Variants in BTRC observed in about 807,000 individuals in gnomAD.
The protein encoded by BTRC is beta-transducin repeat containing E3 ubiquitin protein ligase, also known as F-box/WD repeat-containing protein 1A.
BTRC carries 42 observed loss-of-function variants against 85.5 expected under a neutral mutation model. That is an observed-to-expected ratio of 0.49 (90% CI 0.38 to 0.64). The LOEUF (loss-of-function observed/expected upper bound fraction) is 0.64, where lower values mean the gene tolerates loss of function less well. Among genes scored for constraint, BTRC ranks in the 30% least tolerant of loss-of-function variants. BTRC has a pLI of 0.00. For missense variants in BTRC, 594 were observed against 743.5 expected (o/e 0.80, Z 2.34); for synonymous variants, 255 against 263.3 (o/e 0.97, Z 0.30).
intron 3 of BTRC, among the ~76,000 whole-genome samples, chr10:101,464,465 GT>G (rs1261293616): frequency 2.6e-5 from 4 of 151,888 alleles, no homozygotes; most frequent in Non-Finnish European, 5.9e-5. Context: ...ATTTAATGTT[GT>G]TTTTTTCATT....
chr10:101,519,533 C>A (rs568838461), intron 4 of BTRC, among the ~76,000 whole-genome samples: 1 of 152,200 alleles, frequency 6.6e-6, no homozygotes, highest in South Asian at 2.1e-4. Context: ...TTCTGTAACC[C>A]GTTGAAGCAA....
chr10:101,454,641 G>T (rs527384541), intron 2 of BTRC, among the ~76,000 whole-genome samples: 1 of 152,200 alleles, frequency 6.6e-6, no homozygotes, highest in South Asian at 2.1e-4. Context: ...AATTAGCCTG[G>T]TGTAGTGGCG....
chr10:101,388,724 C>G (rs1943149478), intron 1 of BTRC, among the ~76,000 whole-genome samples: 1 of 151,604 alleles, frequency 6.6e-6, no homozygotes, highest in African/African-American at 2.4e-5. Flanking sequence ...CTCCTGGCCT[C>G]AAGCAATCTG....
chr10:101,435,281 A>G (rs1187243584), intron 2 of BTRC, among the ~76,000 whole-genome samples: 3 of 152,206 alleles, frequency 2.0e-5, no homozygotes, highest in East Asian at 3.8e-4. Context: ...TGACAAATGC[A>G]TACTTTTGTG....
intron 1 of BTRC, among the ~76,000 whole-genome samples, chr10:101,415,481 T>G (rs1380704876): frequency 1.2e-3 from 7 of 5,682 alleles, no homozygotes; most frequent in African/African-American, 1.2e-3. Flanking sequence ...TTTATTTTAT[T>G]TTATTTTATG....
intron 1 of BTRC, chr10:101,354,553 T>G: frequency 5.3e-6 from 2 of 375,596 alleles, no homozygotes; most frequent in East Asian, 5.1e-5. Context: ...CGGAGGAAGC[T>G]CTCTGGAGAA....
intron 2 of BTRC, among the ~76,000 whole-genome samples, chr10:101,437,857 C>A: frequency 6.6e-6 from 1 of 152,152 alleles, no homozygotes; most frequent in Non-Finnish European, 1.5e-5. Flanking sequence ...AAAACCCCTC[C>A]ACAAACACCT....
chr10:101,510,528 A>T (rs1001540644), intron 4 of BTRC, among the ~76,000 whole-genome samples: 8 of 151,784 alleles, frequency 5.3e-5, no homozygotes, highest in African/African-American at 1.9e-4. Flanking sequence ...ACAAAAAAAA[A>T]AGTCGTTGTT....
chr10:101,457,007 T>C (rs936531518), intron 2 of BTRC, among the ~76,000 whole-genome samples: 4 of 152,198 alleles, frequency 2.6e-5, no homozygotes, highest in African/African-American at 9.6e-5. Context: ...CAGATAGTTC[T>C]GAACTCCATG....
intron 13 of BTRC, among the ~76,000 whole-genome samples, chr10:101,545,770 C>T (rs1158610336): frequency 6.6e-6 from 1 of 152,136 alleles, no homozygotes; most frequent in Non-Finnish European, 1.5e-5. Context: ...TTATGGCACC[C>T]CTAGCCCTGA....
intron 3 of BTRC, among the ~76,000 whole-genome samples, chr10:101,464,653 A>G (rs1945324832): frequency 6.6e-6 from 1 of 150,850 alleles, no homozygotes; most frequent in South Asian, 2.1e-4. Context: ...CTTCTTTGTA[A>G]AGGGTTTTAT....
rs531087647 is a variant in BTRC, at chr10:101,362,153, G to T, written c.48+7925G>T. On this transcript the variant is annotated intron_variant, in intron 1 of 14. Transcript: ENST00000370187. ...TTTTTGTGTTTTTAGTAGGGATGGG[G>T]TTTCACCATGTTGGCCAGGACAGTC... Among the ~76,000 whole-genome samples, 267 of 151,852 alleles carry T rather than the reference G, an allele frequency of 1.8e-3. 2 individuals carry two copies. Among genetic ancestry groups the T allele is most frequent in the African/African-American group, 6.3e-3 (262 of 41,382 alleles).
Position 101,556,764 on chromosome 10 carries a change from CCTT to C in BTRC, c.*3644_*3646del, listed in dbSNP as rs1309596722. ...CTTAATGCATTGATCTTTAGAAGCT[CCTT>C]CTGTTGGAAGTTGAGTACCTGTGAT... On this transcript the variant is annotated 3_prime_UTR_variant, in exon 15 of 15. Transcript: ENST00000370187. 2 of 152,340 alleles carry C rather than the reference CCTT, an allele frequency of 1.3e-5. No individual in the cohort carries two copies. The highest frequency in any genetic ancestry group is 3.4e-3 in the Middle Eastern group (1 of 294). 9.4% of individuals were successfully genotyped at this position (152,340 alleles called of 1,614,324 possible).
At chr10:101,374,647 G>C (rs1942739065) in intron 1 of BTRC, among the ~76,000 whole-genome samples, 2 of 108,368 alleles carry the variant, frequency 1.8e-5, no homozygotes, top group Non-Finnish European at 3.6e-5. Flanking sequence ...TGGGGGGAGG[G>C]GGGAGGGATA....
chr10:101,534,599 G>T, intron 9 of BTRC, 62 bp from the exon 10 acceptor site: 2 of 1,598,820 alleles, frequency 1.3e-6, no homozygotes, highest in Non-Finnish European at 8.5e-7. Flanking sequence ...GGCGCATGAT[G>T]GTCAAATATA....
chr10:101,357,022 G>A (rs1226404349), intron 1 of BTRC, among the ~76,000 whole-genome samples: 18 of 152,006 alleles, frequency 1.2e-4, no homozygotes, highest in Admixed American at 9.2e-4. Flanking sequence ...CCAGCTACTC[G>A]GGAGGCTGAG....
At position 101,430,388 on chromosome 10, in the gene BTRC, C is replaced by T. The variant is rs776648761; in HGVS notation, c.92C>T (p.Ala31Val). Residue 31 changes from alanine (A) to valine (V), a missense_variant, in exon 2 of 15, where the codon GCG (alanine) becomes GTG (valine). Physicochemically the swap from Ala to Val is moderately conservative, Grantham distance 64 (BLOSUM62 0). Around this residue, in one of 4 missense-constraint regions of BTRC, gnomAD observed 163 missense variants for 180.5 expected, o/e 0.90. Coordinates refer to ENST00000370187, the MANE Select transcript of BTRC (RefSeq NM_033637.4). ...CTGTGGCTGGGCTGCTCCAGCCTGG[C>T]GGACAGCATGCCTTCGCTGCGATGC... ...RSLWLGCSSL[A>V]DSMPSLRCLY... 25 of 1,613,936 alleles carry T rather than the reference C, an allele frequency of 1.5e-5. No homozygotes were observed. The highest frequency in any genetic ancestry group is 1.2e-4 in the Admixed American group (7 of 59,970).
chr10:101,485,773 G>A (rs1945968804), intron 4 of BTRC, among the ~76,000 whole-genome samples: 1 of 152,162 alleles, frequency 6.6e-6, no homozygotes, highest in African/African-American at 2.4e-5. Context: ...GCTCGAGCTT[G>A]TCTTTGTGGA....
chr10:101,521,928 C>G (rs769697579), intron 5 of BTRC, 58 bp downstream of exon 5: 4 of 1,311,286 alleles, frequency 3.1e-6, no homozygotes, highest in Non-Finnish European at 4.3e-6. Context: ...AGAACTAGAT[C>G]TCCAGCTATA....
Sources: allele counts gnomAD v4.1 joint callset (sites outside exome capture counted in the v4.1 genomes callset), GRCh38; gene constraint gnomAD v4.1.1; regional missense constraint gnomAD v4.1.1; transcripts MANE v1.5; gene names NCBI Gene and HGNC (gene_info 2026-07-23, HGNC 2026-07-21).